The following ITGAM variants were observed in gnomAD, a reference collection of about 807,000 sequenced individuals.
The protein encoded by ITGAM is integrin alpha-M.
ITGAM carries 79 observed loss-of-function variants against 137.5 expected under a neutral mutation model. That is an observed-to-expected ratio of 0.57 (90% CI 0.48 to 0.69). The LOEUF is 0.69. ITGAM is among the 30% of genes least tolerant of loss of function. The probability of loss-of-function intolerance (pLI) is 0.00; values close to 1 mark genes in which losing one functional copy is unlikely to be tolerated. For synonymous variants in ITGAM, 583 were observed against 592.3 expected (o/e 0.98, Z 0.23); for missense variants, 1,343 against 1,483.5 (o/e 0.91, Z 1.56).
chr16:31,328,932 ATG>A (rs2080544283), intron 23 of ITGAM: 2 of 476,752 alleles, frequency 4.2e-6, no homozygotes, highest in Admixed American at 7.5e-5. Context: ...ATGTGCATGT[ATG>A]TGTGCATGGG....
chr16:31,260,003 G>A lies in ITGAM; in HGVS notation c.-62G>A. On this transcript the variant is annotated 5_prime_UTR_variant, in exon 1 of 30. Coordinates refer to ENST00000544665, the MANE Select transcript of ITGAM (RefSeq NM_000632.4). ...TCTTTGCTTTGGTGGCTTCCTTGTG[G>A]TTCCTCAGTGGTGCCTGCAACCCCT... The A allele has an allele frequency of 6.9e-7, 1 of 1,454,992 alleles. No individual in the cohort carries two copies. The highest frequency in any genetic ancestry group is 1.2e-5 in the South Asian group (1 of 82,626). The allele number at this position is 1,454,992 out of a possible 1,614,324, so 90.1% of individuals were successfully genotyped here. A position where few individuals can be genotyped will look rare whatever the true frequency, so the allele number is the denominator to read the frequency against.
chr16:31,331,855 A>ATTTGCGTG lies in ITGAM; in HGVS notation c.*149_*150insTTGCGTGT. The ATTTGCGTG allele has an allele frequency of 2.0e-6, 1 of 503,076 alleles. No homozygotes were observed. The highest frequency in any genetic ancestry group is 4.2e-4 in the Middle Eastern group (1 of 2,364). 31.2% of individuals were successfully genotyped at this position (503,076 alleles called of 1,614,324 possible). A position where few individuals can be genotyped will look rare whatever the true frequency, so the allele number is the denominator to read the frequency against. On this transcript the variant is annotated 3_prime_UTR_variant, in exon 30 of 30. Coordinates refer to ENST00000544665, the MANE Select transcript of ITGAM (RefSeq NM_000632.4). ...TCCATTTGTGTGTGTGCAAGTGTGT[A>ATTTGCGTG]TGTGCGTGTGTGCAAGTGTCTGTGT...
At chr16:31,298,393 G>A (rs770847010) in intron 14 of ITGAM, among the ~76,000 whole-genome samples, 2 of 151,854 alleles carry the variant, frequency 1.3e-5, no homozygotes, top group Non-Finnish European at 2.9e-5. Context: ...ATGCGTGCAC[G>A]TGCACACACA....
intron 12 of ITGAM, among the ~76,000 whole-genome samples, chr16:31,280,250 G>A (rs900512892): frequency 3.4e-4 from 52 of 152,240 alleles, no homozygotes; most frequent in Admixed American, 2.3e-3. Flanking sequence ...GAACTTTAAC[G>A]TAGCTTTTTC....
intron 16 of ITGAM, among the ~76,000 whole-genome samples, 183 bp downstream of exon 16, chr16:31,321,810 C>T (rs1341960708): frequency 1.3e-5 from 2 of 152,184 alleles, no homozygotes; most frequent in Non-Finnish European, 2.9e-5. Flanking sequence ...TCCAGTGGAC[C>T]TCCCTAAAGA....
In ITGAM at chr16:31,277,972, G is replaced by T; in HGVS notation, c.1219G>T (p.Ala407Ser). Residue 407 changes from alanine to serine, a missense_variant, in exon 12 of 30, where the codon GCT becomes TCT. Coordinates refer to ENST00000544665, the MANE Select transcript of ITGAM (RefSeq NM_000632.4). ...SDMNDAYLGY[A>S]AAIILRNRVQ... ...TCTCAGACCCCCACCTTCAGGTTAT[G>T]CTGCCGCCATCATCTTACGGAACCG... The T allele has an allele frequency of 6.3e-7, 1 of 1,593,924 alleles. No homozygotes were observed. Among genetic ancestry groups the T allele is most frequent in the Non-Finnish European group, 8.5e-7 (1 of 1,170,010 alleles).
chr16:31,272,605 T>A (rs1219843788), intron 7 of ITGAM, among the ~76,000 whole-genome samples: 3 of 144,232 alleles, frequency 2.1e-5, no homozygotes, highest in African/African-American at 7.6e-5. Context: ...TGCCTCAGCC[T>A]CCTGAGTAGC....
intron 2 of ITGAM, among the ~76,000 whole-genome samples, chr16:31,264,928 T>G (rs1169650052): frequency 4.6e-5 from 7 of 152,102 alleles, no homozygotes; most frequent in Non-Finnish European, 1.0e-4. Context: ...AGTGCAGTGG[T>G]GCTATCTCGG....
chr16:31,291,731 A>G (rs1020324835), intron 12 of ITGAM, among the ~76,000 whole-genome samples: 1 of 151,564 alleles, frequency 6.6e-6, no homozygotes, highest in African/African-American at 2.4e-5. Context: ...GTAGGAGCTA[A>G]AAAAAAATGG....
intron 14 of ITGAM, among the ~76,000 whole-genome samples, 151 bp downstream of exon 14, chr16:31,298,105 C>T (rs951763509): frequency 1.3e-5 from 2 of 150,872 alleles, no homozygotes; most frequent in Non-Finnish European, 2.9e-5. Context: ...TGGTGGCTGA[C>T]GCCTGTAATC....
rs543434878 is a variant in ITGAM at position 31,271,472 on chromosome 16, C to T, written c.559-375C>T. Among the ~76,000 whole-genome samples the T allele has an allele frequency of 9.2e-5, 14 of 152,356 alleles. No individual in the cohort carries two copies. In the South Asian group the frequency reaches 2.9e-3, roughly 32 times the overall value. On this transcript the variant is annotated intron_variant, in intron 6 of 29. Transcript: ENST00000544665. ...GGTTCAAGCAATTCTCTTGCCTCAG[C>T]CTCCCGAGTAGCGGGGATTACAGGC...
chr16:31,272,253 C>G (rs964557946), intron 7 of ITGAM, among the ~76,000 whole-genome samples: 1 of 150,550 alleles, frequency 6.6e-6, no homozygotes, highest in African/African-American at 2.4e-5. Flanking sequence ...AGCTTTACAG[C>G]CTGTGGTGAG....
chr16:31,279,521 C>T (rs1211371581), intron 12 of ITGAM, among the ~76,000 whole-genome samples: 3 of 152,178 alleles, frequency 2.0e-5, no homozygotes, highest in Non-Finnish European at 4.4e-5. Context: ...TGTCTGTTGG[C>T]TGCATAAATG....
At chr16:31,292,332 G>A (rs2080094743) in intron 12 of ITGAM, among the ~76,000 whole-genome samples, 2 of 151,874 alleles carry the variant, frequency 1.3e-5, no homozygotes, top group Admixed American at 1.3e-4. Flanking sequence ...TCATGTCATG[G>A]GAGTTTGTTG....
intron 14 of ITGAM, among the ~76,000 whole-genome samples, chr16:31,304,531 C>T (rs934749436): frequency 1.3e-5 from 2 of 152,036 alleles, no homozygotes; most frequent in Non-Finnish European, 2.9e-5. Context: ...GAATTCTTTG[C>T]CTAGGCCAAT....
Position 31,331,860 on chromosome 16 carries a change from C to CGTGTGTGCGA in ITGAM, c.*161_*162insGAGTGTGTGC, listed in dbSNP as rs57606641. 0.48 allele frequency: 293,920 copies of CGTGTGTGCGA among 608,676 alleles called. 76,129 individuals carry two copies. Among genetic ancestry groups the CGTGTGTGCGA allele is most frequent in the East Asian group, 0.75 (26,254 of 34,800 alleles). 37.7% of individuals were successfully genotyped at this position (608,676 alleles called of 1,614,324 possible). The stretch of plus-strand genomic sequence containing the variant: ...TTGTGTGTGTGCAAGTGTGTATGTG[C>CGTGTGTGCGA]GTGTGTGCAAGTGTCTGTGTGCAAG... On this transcript the variant is annotated 3_prime_UTR_variant, in exon 30 of 30. Transcript: ENST00000544665.
At chr16:31,328,330 G>A in intron 23 of ITGAM, 100 bp downstream of exon 23, 2 of 912,556 alleles carry the variant, frequency 2.2e-6, no homozygotes, top group Non-Finnish European at 3.6e-6. Flanking sequence ...GTGTGTGTGA[G>A]AGTCTGAGGA....
rs906388008 is a variant in ITGAM, at chr16:31,331,954, T to C, written c.*247T>C. On this transcript the variant is annotated 3_prime_UTR_variant, in exon 30 of 30. Coordinates refer to ENST00000544665, the MANE Select transcript of ITGAM (RefSeq NM_000632.4). Reference sequence around the variant, plus strand: ...CCATGTGTGAGTGTGTGCAAGTATGTGAGTGTGTCCAAGTGTGTGTGCGTG... The same window carrying C: ...CCATGTGTGAGTGTGTGCAAGTATGCGAGTGTGTCCAAGTGTGTGTGCGTG... 2.7e-5 allele frequency: 15 copies of C among 554,580 alleles called. No homozygotes were observed. Among genetic ancestry groups the C allele is most frequent in the Middle Eastern group, 9.4e-4 (2 of 2,126 alleles). 34.4% of individuals were successfully genotyped at this position (554,580 alleles called of 1,614,324 possible).
rs1302820034 is a variant in ITGAM at position 31,308,031 on chromosome 16, G to A, written c.1707+10077G>A. On this transcript the variant is annotated intron_variant, in intron 14 of 29. Transcript: ENST00000544665. ...TCATGGTGGATAAGCTTTTTGATGT[G>A]TTGCTGGATTCGGTTTGCCAGTATT... 2.6e-5 allele frequency among the ~76,000 whole-genome samples: 4 copies of A among 152,182 alleles called. No homozygotes were observed. In the East Asian group the frequency reaches 7.7e-4, roughly 29 times the overall value.
Sources: gnomAD v4.1 joint callset for allele counts (sites outside exome capture counted in the v4.1 genomes callset) on GRCh38, gnomAD v4.1.1 for gene constraint, MANE v1.5 for transcripts, NCBI Gene and HGNC (gene_info 2026-07-23, HGNC 2026-07-21) for gene names.